The following RBFOX1 variants were observed in gnomAD, a reference collection of about 807,000 sequenced individuals.
RBFOX1 encodes RNA binding protein fox-1 homolog 1.
RBFOX1 carries 8 observed loss-of-function variants against 57.7 expected under a neutral mutation model. The ratio of observed to expected loss-of-function variants is 0.14; its 90% CI spans 0.08 to 0.25. The LOEUF is 0.25. Ranked by LOEUF, RBFOX1 falls within the 10% of genes least tolerant of loss-of-function variation. The pLI is 1.00. For synonymous variants in RBFOX1, 326 were observed against 222.4 expected (o/e 1.47, Z -4.15); for missense variants, 611 against 548.5 (o/e 1.11, Z -1.14).
chr16:7,314,632 C>T (rs73559854), intron 4 of RBFOX1, among the ~76,000 whole-genome samples: 3,442 of 152,178 alleles, frequency 0.023, 77 homozygotes, highest in African/African-American at 0.055. Flanking sequence ...GGTGTTTATG[C>T]TTTATGGTGT....
At chr16:7,706,680 G>A (rs889978372) in intron 14 of RBFOX1, among the ~76,000 whole-genome samples, 1 of 152,112 alleles carries the variant, frequency 6.6e-6, no homozygotes, top group African/African-American at 2.4e-5. Flanking sequence ...GTTTGCCTCT[G>A]CACTTCATAT....
At chr16:6,957,289 G>A (rs150158347) in intron 3 of RBFOX1, among the ~76,000 whole-genome samples, 2 of 151,600 alleles carry the variant, frequency 1.3e-5, no homozygotes, top group African/African-American at 4.8e-5. Context: ...CCACCACTGC[G>A]CCAGGCTAAT....
At chr16:6,008,523 G>C (rs1011359083) in intron 4 of RBFOX1, among the ~76,000 whole-genome samples, 1 of 152,104 alleles carries the variant, frequency 6.6e-6, no homozygotes, top group Admixed American at 6.5e-5. Flanking sequence ...AAAGCTTGCT[G>C]GTTAGAGGCA....
intron 4 of RBFOX1, among the ~76,000 whole-genome samples, chr16:7,382,998 C>T (rs2097804902): frequency 6.6e-6 from 1 of 152,096 alleles, no homozygotes; most frequent in Non-Finnish European, 1.5e-5. Context: ...GTTCATTAAA[C>T]TTGACATATG....
intron 3 of RBFOX1, among the ~76,000 whole-genome samples, chr16:5,711,463 G>A (rs1001874579): frequency 1.6e-4 from 24 of 152,168 alleles, no homozygotes; most frequent in African/African-American, 5.1e-4. Flanking sequence ...TTCTCTGTCT[G>A]GGGTTTGGAC....
chr16:6,726,659 A>G (rs901643559), intron 3 of RBFOX1, among the ~76,000 whole-genome samples: 2 of 152,092 alleles, frequency 1.3e-5, no homozygotes, highest in African/African-American at 2.4e-5. Context: ...TGCCCAGAGA[A>G]CTAGCTTGCT....
chr16:6,136,183 G>C (rs1194835535), intron 1 of RBFOX1, among the ~76,000 whole-genome samples: 26 of 152,142 alleles, frequency 1.7e-4, no homozygotes, highest in Admixed American at 1.7e-3. Flanking sequence ...GAAGTCTTCT[G>C]AAAGTAAGAC....
intron 4 of RBFOX1, among the ~76,000 whole-genome samples, chr16:7,340,658 G>A (rs868405274): frequency 9.2e-5 from 14 of 152,182 alleles, no homozygotes; most frequent in African/African-American, 3.4e-4. Context: ...TCACATCAGT[G>A]ATGCATAAAT....
chr16:7,570,333 G>A (rs1469699278), intron 5 of RBFOX1, among the ~76,000 whole-genome samples: 1 of 152,078 alleles, frequency 6.6e-6, no homozygotes, highest in Non-Finnish European at 1.5e-5. Flanking sequence ...AATAGAATTT[G>A]CTACAGTTCT....
At chr16:6,404,729 C>T (rs540496769) in intron 2 of RBFOX1, among the ~76,000 whole-genome samples, 1 of 152,240 alleles carries the variant, frequency 6.6e-6, no homozygotes, top group African/African-American at 2.4e-5. Flanking sequence ...AGATTCTTTC[C>T]TGAGCTGAAG....
At chr16:6,850,103 T>C (rs1033654883) in intron 3 of RBFOX1, among the ~76,000 whole-genome samples, 9 of 152,214 alleles carry the variant, frequency 5.9e-5, no homozygotes, top group African/African-American at 2.2e-4. Flanking sequence ...CTTAAGTATT[T>C]AGCTTCTTGG....
intron 3 of RBFOX1, among the ~76,000 whole-genome samples, chr16:6,757,546 A>G (rs113965416): frequency 6.6e-6 from 1 of 152,312 alleles, no homozygotes; most frequent in African/African-American, 2.4e-5. Context: ...TAAGCTGAGC[A>G]CAGAAAGACA....
chr16:7,018,758 G>T (rs1275419409), intron 3 of RBFOX1, among the ~76,000 whole-genome samples: 1 of 150,316 alleles, frequency 6.7e-6, no homozygotes, highest in South Asian at 2.1e-4. Context: ...CCTGCACGTT[G>T]TGCACATGTA....
At chr16:7,572,007 G>A (rs1257321314) in intron 5 of RBFOX1, among the ~76,000 whole-genome samples, 1 of 152,148 alleles carries the variant, frequency 6.6e-6, no homozygotes, top group Non-Finnish European at 1.5e-5. Flanking sequence ...CATGCCTGTA[G>A]TCCCAGCTAC....
intron 3 of RBFOX1, among the ~76,000 whole-genome samples, chr16:6,774,785 T>A (rs1382740713): frequency 1.3e-5 from 2 of 152,074 alleles, no homozygotes; most frequent in African/African-American, 4.8e-5. Flanking sequence ...GGTGGGAGTG[T>A]TTTATACCTG....
At chr16:6,321,399 G>T (rs1454918133) in intron 2 of RBFOX1, among the ~76,000 whole-genome samples, 2 of 152,086 alleles carry the variant, frequency 1.3e-5, no homozygotes, top group Non-Finnish European at 2.9e-5. Flanking sequence ...GATCAATTAG[G>T]ACTCTGACTG....
chr16:6,428,088 A>G (rs8055466), intron 2 of RBFOX1, among the ~76,000 whole-genome samples: 63,066 of 151,572 alleles, frequency 0.42, 16,038 homozygotes, highest in African/African-American at 0.72. Flanking sequence ...TTCAAGATCA[A>G]CCTGGGCAAC....
Position 6,765,524 on chromosome 16 carries a change from G to C in RBFOX1, c.-16+110874G>C, listed in dbSNP as rs1475385140. On this transcript the variant is annotated intron_variant, in intron 3 of 15. Transcript: ENST00000550418. ...CTGCACATGTACACCTCAACTTAAA[G>C]TTTAAGAAAAAAAGAATGCTGGTGG... is the stretch of plus-strand genomic sequence containing the variant. Among the ~76,000 whole-genome samples, 4 of 135,238 alleles carry C rather than the reference G, an allele frequency of 3.0e-5. No homozygotes were observed. The South Asian group carries it at 7.4e-4, about 25-fold the overall frequency. 88.7% of individuals were successfully genotyped at this position (135,238 alleles called of 152,430 possible).
At chr16:5,561,882 G>A (rs1424743175) in intron 2 of RBFOX1, among the ~76,000 whole-genome samples, 1 of 152,092 alleles carries the variant, frequency 6.6e-6, no homozygotes, top group Non-Finnish European at 1.5e-5. Context: ...AAGCTTTATT[G>A]CAAATGCATC....
Sources: gnomAD v4.1 joint callset for allele counts (sites outside exome capture counted in the v4.1 genomes callset) on GRCh38, gnomAD v4.1.1 for gene constraint, MANE v1.5 for transcripts, NCBI Gene and HGNC (gene_info 2026-07-23, HGNC 2026-07-21) for gene names.